PLEC: variants seen among roughly 807,000 people sequenced by gnomAD.
The protein encoded by PLEC is hemidesmosomal protein 1.
A neutral mutation model predicts 392.8 loss-of-function variants in PLEC; 216 were observed. The observed-to-expected ratio is 0.55, with a 90% CI of 0.49 to 0.62. PLEC has a LOEUF of 0.62. Ranked by LOEUF, PLEC falls within the 20% of genes least tolerant of loss-of-function variation. PLEC has a pLI of 0.00. For missense variants in PLEC, 6,863 were observed against 6,563.4 expected, an observed-to-expected ratio of 1.05 and a Z score of -1.58; for synonymous variants, 3,621 against 2,980.6, an observed-to-expected ratio of 1.21 and a Z score of -7.00.
rs370863500 is a variant in PLEC, at chr8:143,929,911, G to A, written c.2739+25C>T. 4.7e-5 allele frequency: 75 copies of A among 1,606,602 alleles called. No individual in the cohort carries two copies. The South Asian group carries it at 7.7e-4, about 16-fold the overall frequency. On this transcript the variant is annotated intron_variant, in intron 22 of 31. Coordinates refer to ENST00000345136, the MANE Select transcript of PLEC (RefSeq NM_201384.3). ...CCTCTCCCCTCCTCCCACCCAGAGA[G>A]CCCCCGGCTCGGGGGCAGGCGTACC...
intron 19 of PLEC, among the ~76,000 whole-genome samples, chr8:143,931,316 ACTCCTGCTGGCCC>A (rs1464578176): frequency 1.9e-5 from 2 of 104,376 alleles, no homozygotes; most frequent in African/African-American, 2.8e-5. Flanking sequence ...GTGCCTCCCA[ACTCCTGCTGGCCC>A]CTCCAGTTGC....
rs1554692022 is a variant in PLEC, at chr8:143,923,359, T to C, written c.6570A>G (p.Thr2190=). 3.1e-6 allele frequency: 5 copies of C among 1,610,484 alleles called. No homozygotes were observed. The highest frequency in any genetic ancestry group is 3.4e-6 in the Non-Finnish European group (4 of 1,179,506). Residue 2190 remains threonine (T), a synonymous_variant, in exon 31 of 32, where the codon ACA becomes ACG. Coordinates refer to ENST00000345136, the MANE Select transcript of PLEC (RefSeq NM_201384.3). ...QKAQVEQELT[T]LRLQLEETDH... is the part of the protein sequence containing the mutation. ...CGGTCTCCTCCAGCTGCAGCCGCAG[T>C]GTTGTCAGCTCCTGCTCCACCTGCG...
chr8:143,922,947 C>G lies in PLEC; in HGVS notation c.6982G>C (p.Glu2328Gln). The stretch of plus-strand genomic sequence containing the variant: ...TTCTGCTGCTGCAGCAGTTCCGCCT[C>G]AGCCTTGAGTCGCGTGGCCTCCTGC... ...AVQEATRLKA[E>Q]AELLQQQKEL... The change falls in exon 31 of 32, where the codon GAG becomes CAG. Residue 2328 changes from glutamate (E) to glutamine (Q), a missense_variant. Coordinates refer to ENST00000345136, the MANE Select transcript of PLEC (RefSeq NM_201384.3). 2 of 1,608,818 alleles carry G rather than the reference C, an allele frequency of 1.2e-6. No individual in the cohort carries two copies. The highest frequency in any genetic ancestry group is 1.3e-5 in the African/African-American group (1 of 74,940).
At position 143,938,702 on chromosome 8, in the gene PLEC, A is replaced by G; in HGVS notation, c.113-10T>C. On this transcript the variant is annotated splice_polypyrimidine_tract_variant and intron_variant, in intron 1 of 31. Coordinates refer to ENST00000345136, the MANE Select transcript of PLEC (RefSeq NM_201384.3). ...ACACGATCCCGCTCATCTGGGGGAG[A>G]CAAGACCAGCTTACCTGGGGCCTGG... 6.2e-7 allele frequency: 1 copy of G among 1,613,512 alleles called. No homozygotes were observed. Among genetic ancestry groups the G allele is most frequent in the Non-Finnish European group, 8.5e-7 (1 of 1,179,798 alleles).
chr8:143,972,567 G>A (rs543594720), intron 1 of PLEC, among the ~76,000 whole-genome samples: 171 of 152,354 alleles, frequency 1.1e-3, no homozygotes, highest in African/African-American at 3.9e-3. Context: ...AACCAGCCAC[G>A]TGGAGCTGGA....
upstream of PLEC, chr8:143,953,621 C>T: frequency 4.0e-6 from 5 of 1,237,826 alleles, no homozygotes; most frequent in Non-Finnish European, 5.8e-6. Context: ...ACAGTGTCAC[C>T]CCAGGGATGG....
At chr8:143,945,054 C>T (rs913962472) in intron 1 of PLEC, 2 of 398,124 alleles carry the variant, frequency 5.0e-6, no homozygotes, top group Admixed American at 8.9e-5. Context: ...GCGGTGCAGT[C>T]CCCACCCACC....
chr8:143,942,312 G>C, upstream of PLEC: 8 of 1,549,394 alleles, frequency 5.2e-6, no homozygotes, highest in Non-Finnish European at 7.0e-6. Context: ...CCAGGCGGCG[G>C]TTCCCAGCAG....
At position 143,924,865 on chromosome 8, in the gene PLEC, C is replaced by G; in HGVS notation, c.5064G>C (p.Glu1688Asp). 3 of 1,587,748 alleles carry G rather than the reference C, an allele frequency of 1.9e-6. No individual in the cohort carries two copies. Among genetic ancestry groups the G allele is most frequent in the Non-Finnish European group, 2.6e-6 (3 of 1,174,630 alleles). ...KAEEQAVRQR[E>D]LAEQELEKQR... Reference sequence around the variant, plus strand: ...GCTTCTCCAGCTCTTGTTCAGCCAGCTCCCGCTGCCGGACGGCCTGCTCCT... The same window carrying G: ...GCTTCTCCAGCTCTTGTTCAGCCAGGTCCCGCTGCCGGACGGCCTGCTCCT... Residue 1688 changes from glutamate to aspartate, a missense_variant, in exon 31 of 32, where the codon GAG becomes GAC. Physicochemically the swap from Glu to Asp is conservative, Grantham distance 45. Transcript: ENST00000345136.
intron 1 of PLEC, among the ~76,000 whole-genome samples, chr8:143,964,705 A>G (rs1833005842): frequency 6.6e-6 from 1 of 152,172 alleles, no homozygotes; most frequent in African/African-American, 2.4e-5. Context: ...GGGTATCTGT[A>G]TTCTGTAAAC....
At position 143,973,422 on chromosome 8, in the gene PLEC, C is replaced by T. The variant is rs868973452; in HGVS notation, c.51G>A (p.Glu17=). 1.9e-6 allele frequency: 3 copies of T among 1,551,334 alleles called. No homozygotes were observed. The highest frequency in any genetic ancestry group is 2.6e-6 in the Non-Finnish European group (3 of 1,148,946). Reference sequence around the variant, plus strand: ...CCGTACCTTTGTACTTCTCGCGCACCTCCTCGTAGGCCTGGATGAAGTCCT... The same window carrying T: ...CCGTACCTTTGTACTTCTCGCGCACTTCCTCGTAGGCCTGGATGAAGTCCT... Residue 17 remains glutamate (E), a synonymous_variant, in exon 1 of 32, where the codon GAG becomes GAA. Transcript: ENST00000356346. This position sits in a 1 kb window ranked among gnomAD's most constrained non-coding sequence, Gnocchi z 5.6.
In PLEC at chr8:143,922,667, TC is replaced by T; in HGVS notation, c.7261del (p.Glu2421SerfsTer8). On this transcript the variant is annotated frameshift_variant, in exon 31 of 32. Coordinates refer to ENST00000345136, the MANE Select transcript of PLEC (RefSeq NM_201384.3). LOFTEE classifies it high-confidence loss of function. ...GGTCACCTTCTCCTGGGTGGCGAGC[TC>T]CGTGCGGTGCAGCTTCTCACCGATC... The part of the protein sequence containing the change: ...EEIGEKLHRT[E>X]LATQEKVTLV... 6.2e-7 allele frequency: 1 copy of T among 1,613,260 alleles called. No homozygotes were observed. Among genetic ancestry groups the T allele is most frequent in the South Asian group, 1.1e-5 (1 of 90,960 alleles).
At position 143,919,788 on chromosome 8, in the gene PLEC, C is replaced by T. The variant is rs782552483; in HGVS notation, c.10033G>A (p.Gly3345Ser). 2.2e-5 allele frequency: 35 copies of T among 1,612,650 alleles called. 2 individuals carry two copies. The South Asian group carries it at 3.0e-4, about 14-fold the overall frequency. Residue 3345 changes from glycine (G) to serine (S), a missense_variant, in exon 32 of 32, where the codon GGC (glycine) becomes AGC (serine). Gly to Ser is a moderately conservative substitution (Grantham distance 56). Coordinates refer to ENST00000345136, the MANE Select transcript of PLEC (RefSeq NM_201384.3). ...KTTVKDLSEL[G>S]SVRTLLQGSG... ...CCCTGCAGCAGCGTCCGCACGGAGC[C>T]CAGCTCCGAAAGGTCCTTGACCGTC...
chr8:143,915,941 A>C lies in PLEC; in HGVS notation c.*236T>G. The C allele has an allele frequency of 1.9e-5, 7 of 359,310 alleles. No homozygotes were observed. The highest frequency in any genetic ancestry group is 2.5e-5 in the Non-Finnish European group (5 of 200,234). The allele number at this position is 359,310 out of a possible 1,614,324, so 22.3% of individuals were successfully genotyped here. ...GCACCTGGCTGTGTGAGTGGCAGGT[A>C]GAAGGGAGTGAGGAGACCCGAGGGG... On this transcript the variant is annotated 3_prime_UTR_variant, in exon 32 of 32. Coordinates refer to ENST00000345136, the MANE Select transcript of PLEC (RefSeq NM_201384.3).
chr8:143,930,033 G>A lies in PLEC; in HGVS notation c.2642C>T (p.Thr881Met), dbSNP rs200611519. The change falls in exon 22 of 32, where the codon ACG (threonine) becomes ATG (methionine). Residue 881 changes from threonine (T) to methionine (M), a missense_variant. Thr to Met is a moderately conservative substitution (Grantham distance 81). Coordinates refer to ENST00000345136, the MANE Select transcript of PLEC (RefSeq NM_201384.3). ...RLEAQHQALV[T>M]LWHQLHVDMK... ...GTCCACGTGCAACTGGTGCCACAGC[G>A]TGACCAGGGCCTGGTGCTGGGCCTC... The A allele has an allele frequency of 1.5e-4, 247 of 1,611,990 alleles. No homozygotes were observed. The African/African-American group carries it at 2.1e-3, about 14-fold the overall frequency.
rs1163990788 is a variant in PLEC at position 143,916,002 on chromosome 8, C to G, written c.*175G>C. ...CAGCAGGGCTGGGCCAGCCCTGTCC[C>G]CCAAGATACAGGCTGTCTGGACAGC... On this transcript the variant is annotated 3_prime_UTR_variant, in exon 32 of 32. Coordinates refer to ENST00000345136, the MANE Select transcript of PLEC (RefSeq NM_201384.3). 2 of 522,168 alleles carry G rather than the reference C, an allele frequency of 3.8e-6. No homozygotes were observed. The highest frequency in any genetic ancestry group is 6.6e-6 in the Non-Finnish European group (2 of 302,348). The allele number at this position is 522,168 out of a possible 1,614,324, so 32.3% of individuals were successfully genotyped here. A position where few individuals can be genotyped will look rare whatever the true frequency, so the allele number is the denominator to read the frequency against.
In PLEC at chr8:143,935,085, T is replaced by C. The variant is rs782617277; in HGVS notation, c.751A>G (p.Ile251Val). 3 of 1,612,944 alleles carry C rather than the reference T, an allele frequency of 1.9e-6. No homozygotes were observed. Among genetic ancestry groups the C allele is most frequent in the Admixed American group, 1.7e-5 (1 of 60,024 alleles). ...VDVPQPDEKSIITYVSSLYDA... is the reference protein window; with the variant it reads ...VDVPQPDEKSVITYVSSLYDA... ...TACAGCGACGAGACGTAGGTGATGA[T>C]GGACTTCTCGTCGGGCTGAGGGACA... The change falls in exon 8 of 32, where the codon ATC becomes GTC. Residue 251 changes from isoleucine (I) to valine (V), a missense_variant. Transcript: ENST00000345136.
chr8:143,916,613 G>T lies in PLEC; in HGVS notation c.13208C>A (p.Pro4403Gln), dbSNP rs781860439. Reference sequence around the variant, plus strand: ...GGCCTCGTCCAGGGGCACGCGGCCCGGCGTGTCGGGCTCGATCAAGCCGCC... The same window carrying T: ...GGCCTCGTCCAGGGGCACGCGGCCCTGCGTGTCGGGCTCGATCAAGCCGCC... Reference protein sequence around the residue: ...LTGGLIEPDTPGRVPLDEALQ... With the variant: ...LTGGLIEPDTQGRVPLDEALQ... The change falls in exon 32 of 32, where the codon CCG (proline) becomes CAG (glutamine). Residue 4403 changes from proline (P) to glutamine (Q), a missense_variant. Physicochemically the swap from Pro to Gln is moderately conservative, Grantham distance 76. Coordinates refer to ENST00000345136, the MANE Select transcript of PLEC (RefSeq NM_201384.3). 2.5e-6 allele frequency: 4 copies of T among 1,609,750 alleles called. No homozygotes were observed. In the East Asian group the frequency reaches 8.9e-5, roughly 36 times the overall value.
upstream of PLEC, chr8:143,942,415 A>G: frequency 1.2e-6 from 2 of 1,606,844 alleles, no homozygotes; most frequent in Non-Finnish European, 1.7e-6. Context: ...CTGCTGGTAG[A>G]GGTAGCCCCT....
Sources: allele counts gnomAD v4.1 joint callset (sites outside exome capture counted in the v4.1 genomes callset), GRCh38; gene constraint gnomAD v4.1.1; non-coding constraint Gnocchi (gnomAD v3.1); transcripts MANE v1.5; gene names NCBI Gene and HGNC (gene_info 2026-07-23, HGNC 2026-07-21).